Variants in ATP8B4 observed in about 807,000 individuals in gnomAD.
ATP8B4 encodes ATPase phospholipid transporting 8B4 (putative).
In ATP8B4, 133 loss-of-function variants were observed where a neutral mutation model predicts 145.6. That is an observed-to-expected ratio of 0.91 (90% CI 0.79 to 1.05). The LOEUF (loss-of-function observed/expected upper bound fraction) is 1.05. Among genes scored for constraint, ATP8B4 ranks in the 50% least tolerant of loss-of-function variants. ATP8B4 has a pLI of 0.00. For synonymous variants in ATP8B4, 507 were observed against 492.9 expected (o/e 1.03, Z -0.38); for missense variants, 1,458 against 1,425.2 (o/e 1.02, Z -0.37).
At chr15:50,142,699 G>T (rs1402328784) in intron 1 of ATP8B4, among the ~76,000 whole-genome samples, 1 of 152,186 alleles carries the variant, frequency 6.6e-6, no homozygotes, top group African/African-American at 2.4e-5. Context: ...GGGAATCTTA[G>T]TAATAAAAAT....
chr15:50,035,480 G>A (rs2050764394), intron 6 of ATP8B4, among the ~76,000 whole-genome samples: 1 of 152,106 alleles, frequency 6.6e-6, no homozygotes, highest in Non-Finnish European at 1.5e-5. Context: ...CTCTAACGTA[G>A]ACTCTTACCT....
intron 1 of ATP8B4, among the ~76,000 whole-genome samples, chr15:50,125,918 T>C (rs1318538122): frequency 6.6e-6 from 1 of 152,194 alleles, no homozygotes; most frequent in Admixed American, 6.6e-5. Context: ...CAGGTTGCAA[T>C]CCTCAAGCTT....
chr15:49,947,451 A>G (rs1012709106), intron 14 of ATP8B4, among the ~76,000 whole-genome samples: 6 of 151,674 alleles, frequency 4.0e-5, no homozygotes, highest in African/African-American at 7.3e-5. Flanking sequence ...AAAAAAAAAA[A>G]AAAAGAAAAC....
At chr15:50,062,568 A>G (rs2086155617) in intron 3 of ATP8B4, among the ~76,000 whole-genome samples, 1 of 152,182 alleles carries the variant, frequency 6.6e-6, no homozygotes, top group Admixed American at 6.6e-5. Context: ...ACAAAATAAT[A>G]TATGAGAGGA....
At chr15:50,165,286 C>G (rs1475999892) in intron 1 of ATP8B4, among the ~76,000 whole-genome samples, 1 of 152,152 alleles carries the variant, frequency 6.6e-6, no homozygotes, top group African/African-American at 2.4e-5. Context: ...CTCTTGACCT[C>G]CAGTGATCTG....
chr15:50,057,022 G>T (rs894510971), intron 3 of ATP8B4, among the ~76,000 whole-genome samples: 5 of 151,930 alleles, frequency 3.3e-5, no homozygotes, highest in Admixed American at 3.3e-4. Flanking sequence ...CACCACATTC[G>T]GTCAGATTTA....
At chr15:50,079,968 C>T (rs1272093094) in intron 2 of ATP8B4, among the ~76,000 whole-genome samples, 1 of 152,144 alleles carries the variant, frequency 6.6e-6, no homozygotes, top group Non-Finnish European at 1.5e-5. Context: ...AGGAGCCTAA[C>T]AGAAACATGT....
At chr15:49,887,410 T>G (rs1325905034) in intron 23 of ATP8B4, among the ~76,000 whole-genome samples, 2 of 149,100 alleles carry the variant, frequency 1.3e-5, no homozygotes, top group Non-Finnish European at 3.0e-5. Flanking sequence ...GGGTGGAGGT[T>G]GAGGGATGAT....
intron 14 of ATP8B4, among the ~76,000 whole-genome samples, chr15:49,937,936 T>G (rs2041865963): frequency 6.6e-6 from 1 of 152,178 alleles, no homozygotes; most frequent in Non-Finnish European, 1.5e-5. Context: ...ATGCTATTCC[T>G]GCCCTCAATG....
At chr15:50,041,823 C>T (rs2051308235) in intron 5 of ATP8B4, among the ~76,000 whole-genome samples, 1 of 152,064 alleles carries the variant, frequency 6.6e-6, no homozygotes, top group African/African-American at 2.4e-5. Context: ...GCCTATAGTC[C>T]CAGCTACTCA....
chr15:49,958,176 T>G lies in ATP8B4; in HGVS notation c.1287+3801A>C, dbSNP rs138340565. ...ACTCAGTGGTTCAATTTGAACTCAC[T>G]GATATTAGAAAAATAAAGATAAAAT... On this transcript the variant is annotated intron_variant, in intron 14 of 27. Coordinates refer to ENST00000284509, the MANE Select transcript of ATP8B4 (RefSeq NM_024837.4). Among the ~76,000 whole-genome samples the G allele has an allele frequency of 6.6e-3, 1,000 of 151,542 alleles. 14 individuals carry two copies. Among genetic ancestry groups the G allele is most frequent in the African/African-American group, 0.023 (958 of 41,514 alleles).
chr15:50,073,017 T>TATATATATAC (rs2053939455), intron 3 of ATP8B4, among the ~76,000 whole-genome samples: 1 of 31,630 alleles, frequency 3.2e-5, no homozygotes, highest in African/African-American at 1.5e-4. Context: ...TATATATATA[T>TATATATATAC]ATACACACAC....
chr15:49,977,736 T>C (rs2045797365), intron 12 of ATP8B4, among the ~76,000 whole-genome samples: 1 of 152,152 alleles, frequency 6.6e-6, no homozygotes, highest in Non-Finnish European at 1.5e-5. Flanking sequence ...AAAGAATGCA[T>C]AAGAAAGTAG....
intron 3 of ATP8B4, among the ~76,000 whole-genome samples, chr15:50,068,128 A>G (rs1370737038): frequency 1.3e-5 from 2 of 152,116 alleles, no homozygotes. Flanking sequence ...ATGGTGAACC[A>G]TATTTTTCTA....
chr15:49,893,470 T>TA (rs2037051366), intron 23 of ATP8B4, among the ~76,000 whole-genome samples: 1 of 152,122 alleles, frequency 6.6e-6, no homozygotes, highest in South Asian at 2.1e-4. Flanking sequence ...AATTCAGCCT[T>TA]AAAAAGAGGA....
chr15:49,931,723 C>T (rs2041275266), intron 15 of ATP8B4, among the ~76,000 whole-genome samples: 1 of 151,898 alleles, frequency 6.6e-6, no homozygotes, highest in Non-Finnish European at 1.5e-5. Flanking sequence ...TTATTATTTC[C>T]ATTTTATACT....
At chr15:50,065,807 A>G (rs2053342110) in intron 3 of ATP8B4, among the ~76,000 whole-genome samples, 1 of 152,130 alleles carries the variant, frequency 6.6e-6, no homozygotes, top group African/African-American at 2.4e-5. Context: ...ATAAATAAAT[A>G]AGCCAAATCT....
chr15:50,104,887 A>ACACACACACACACCCC lies in ATP8B4; in HGVS notation c.28+2051_28+2052insGGGGTGTGTGTGTGTG, dbSNP rs753542910. ...TGCATACACACACACACACACACAC[A>ACACACACACACACCCC]CCCATATATACACTATGGAATACTA... On this transcript the variant is annotated intron_variant, in intron 2 of 27. Coordinates refer to ENST00000284509, the MANE Select transcript of ATP8B4 (RefSeq NM_024837.4). Among the ~76,000 whole-genome samples the ACACACACACACACCCC allele has an allele frequency of 6.2e-3, 935 of 151,488 alleles. 3 individuals carry two copies. The highest frequency in any genetic ancestry group is 0.031 in the Middle Eastern group (9 of 294).
At chr15:50,067,836 T>G (rs1309537419) in intron 3 of ATP8B4, among the ~76,000 whole-genome samples, 1 of 152,190 alleles carries the variant, frequency 6.6e-6, no homozygotes, top group African/African-American at 2.4e-5. Flanking sequence ...CTTTATATGC[T>G]TTTTGTACAT....
Sources: gnomAD v4.1 joint callset for allele counts (sites outside exome capture counted in the v4.1 genomes callset) on GRCh38, gnomAD v4.1.1 for gene constraint, MANE v1.5 for transcripts, NCBI Gene and HGNC (gene_info 2026-07-23, HGNC 2026-07-21) for gene names.